Variants in AMZ2 observed in about 807,000 individuals in gnomAD.
AMZ2 encodes the protein archaemetzincin-2.
Under a neutral mutation model 36.7 loss-of-function variants are expected in AMZ2, and 26 were observed. The ratio of observed to expected loss-of-function variants is 0.71; its 90% confidence interval spans 0.52 to 0.98. The LOEUF is 0.98. Ranked by LOEUF, AMZ2 falls within the 50% of genes least tolerant of loss-of-function variation. The pLI is 0.00. For missense variants in AMZ2, 394 were observed against 430.5 expected, an observed-to-expected ratio of 0.92 and a Z score of 0.75; for synonymous variants, 144 against 149.1, an observed-to-expected ratio of 0.97 and a Z score of 0.25.
At chr17:68,252,635 C>G (rs1226199236) in intron 4 of AMZ2, among the ~76,000 whole-genome samples, 1 of 152,152 alleles carries the variant, frequency 6.6e-6, no homozygotes, top group African/African-American at 2.4e-5. Flanking sequence ...TCCCGAGTAG[C>G]TGGGACCACA....
At position 68,231,414 on chromosome 17, in the gene AMZ2, C is replaced by CTGTGCCTTGCATGGGGACA. The variant is rs1555731205; in HGVS notation, c.-66-17225_-66-17224insGTGCCTTGCATGGGGACAT. 3.3e-3 allele frequency among the ~76,000 whole-genome samples: 366 copies of CTGTGCCTTGCATGGGGACA among 111,822 alleles called. 6 individuals are homozygous for CTGTGCCTTGCATGGGGACA. Among genetic ancestry groups the CTGTGCCTTGCATGGGGACA allele is most frequent in the East Asian group, 5.4e-3 (20 of 3,684 alleles). The allele number at this position is 111,822 out of a possible 152,430, so 73.4% of individuals were successfully genotyped here. ...ATCACTCTCTGTGAGTCATCCAGCA[C>CTGTGCCTTGCATGGGGACA]TAGTTAAGTTGGAATGAACAAAACT... On this transcript the variant is annotated intron_variant, in intron 1 of 7. Transcript: ENST00000674770.
intron 1 of AMZ2, chr17:68,206,303 C>T: frequency 7.4e-6 from 9 of 1,217,588 alleles, no homozygotes; most frequent in Non-Finnish European, 9.3e-6. Flanking sequence ...CCCTTGCTCA[C>T]TCGTGTGCTG....
At chr17:68,244,676 G>T (rs1375572364), upstream of AMZ2, among the ~76,000 whole-genome samples, 1 of 152,198 alleles carries the variant, frequency 6.6e-6, no homozygotes, top group African/African-American at 2.4e-5. Context: ...GAATGATAAA[G>T]AAATGAGGTA....
In AMZ2 at chr17:68,212,549, T is replaced by C. The variant is rs149942406; in HGVS notation, c.-67+6311T>C. On this transcript the variant is annotated intron_variant, in intron 1 of 7. Transcript: ENST00000674770. ...AGACCTTGTCACAAAAATAAATAAT[T>C]TAATTAAATAATTTTTTTTCTTTTC... Among the ~76,000 whole-genome samples, 17 of 152,200 alleles carry C rather than the reference T, an allele frequency of 1.1e-4. No homozygotes were observed. The East Asian group carries it at 2.9e-3, about 26-fold the overall frequency.
At chr17:68,227,412 G>T (rs1345049181) in intron 1 of AMZ2, among the ~76,000 whole-genome samples, 1 of 152,228 alleles carries the variant, frequency 6.6e-6, no homozygotes, top group African/African-American at 2.4e-5. Flanking sequence ...TGCACTTCCA[G>T]TGACTGCTGG....
rs71142147 is a variant in AMZ2, at chr17:68,219,698, A to ATTTT, written c.-67+13473_-67+13476dup. ...AGTTACGCACCACCACATCTGGCAA[A>ATTTT]TTTTTTTTTTTTTTTTGTAGAGATG... On this transcript the variant is annotated intron_variant, in intron 1 of 7. Transcript: ENST00000674770. 5.9e-3 allele frequency among the ~76,000 whole-genome samples: 838 copies of ATTTT among 141,854 alleles called. 20 individuals carry two copies. Among genetic ancestry groups the ATTTT allele is most frequent in the African/African-American group, 0.02 (749 of 38,278 alleles). The allele number at this position is 141,854 out of a possible 152,430, so 93.1% of individuals were successfully genotyped here. A position where few individuals can be genotyped will look rare whatever the true frequency, so the allele number is the denominator to read the frequency against.
chr17:68,247,857 A>G (rs2074100959), upstream of AMZ2: 1 of 985,462 alleles, frequency 1.0e-6, no homozygotes, highest in Non-Finnish European at 1.2e-6. Context: ...TCCCCTCGCT[A>G]CCCTCTATTC....
At chr17:68,220,322 C>T (rs1174088077) in intron 1 of AMZ2, among the ~76,000 whole-genome samples, 1 of 101,452 alleles carries the variant, frequency 9.9e-6, no homozygotes. Context: ...AAAGACTATG[C>T]CTCCCCTTGC....
At chr17:68,252,300 C>A (rs1329276996) in intron 4 of AMZ2, among the ~76,000 whole-genome samples, 1 of 152,206 alleles carries the variant, frequency 6.6e-6, no homozygotes, top group Non-Finnish European at 1.5e-5. Context: ...GTTATAGAGC[C>A]TCTTCCCACT....
intron 1 of AMZ2, among the ~76,000 whole-genome samples, chr17:68,236,132 C>A (rs551430671): frequency 3.3e-5 from 5 of 151,980 alleles, no homozygotes; most frequent in Non-Finnish European, 7.4e-5. Flanking sequence ...ATCTGGTTTC[C>A]AAAATATTAC....
chr17:68,211,069 C>T (rs567964387), intron 1 of AMZ2, among the ~76,000 whole-genome samples: 2 of 151,884 alleles, frequency 1.3e-5, no homozygotes, highest in African/African-American at 2.4e-5. Flanking sequence ...AGTGAAATCA[C>T]GTATTGTATG....
intron 1 of AMZ2, among the ~76,000 whole-genome samples, chr17:68,209,630 A>AT (rs1339157573): frequency 1.1e-3 from 110 of 98,450 alleles, no homozygotes; most frequent in Admixed American, 1.5e-3. Context: ...ATATATATAT[A>AT]TATTTTTTTT....
At chr17:68,247,868 T>C (rs1195418456), upstream of AMZ2, 17 of 985,360 alleles carry the variant, frequency 1.7e-5, no homozygotes, top group Non-Finnish European at 2.0e-5. Flanking sequence ...CCCTCTATTC[T>C]GGAAGAGGCG....
At chr17:68,247,689 G>A, upstream of AMZ2, 5 of 985,524 alleles carry the variant, frequency 5.1e-6, no homozygotes, top group Non-Finnish European at 6.0e-6. Flanking sequence ...CGTCACGCCG[G>A]CGATGCCTCT....
Position 68,251,157 on chromosome 17 carries a change from G to A in AMZ2, c.565G>A (p.Gly189Arg), listed in dbSNP as rs2074435262. 6.2e-7 allele frequency: 1 copy of A among 1,613,476 alleles called. No homozygotes were observed. ...AAGAGACTCGTGGAATTTTGTCTTTGGACAGGCCTCTTTGACAGATGGTAT... is the reference window on the plus strand; with the variant it reads ...AAGAGACTCGTGGAATTTTGTCTTTAGACAGGCCTCTTTGACAGATGGTAT... ...YPRDSWNFVFGQASLTDGVGI... is the reference protein window; with the variant it reads ...YPRDSWNFVFRQASLTDGVGI... The change falls in exon 4 of 7, where the codon GGA (glycine) becomes AGA (arginine). Residue 189 changes from glycine (G) to arginine (R), a missense_variant. Physicochemically the swap from Gly to Arg is moderately radical, Grantham distance 125. Coordinates refer to ENST00000359904, the MANE Select transcript of AMZ2 (RefSeq NM_016627.5).
intron 1 of AMZ2, among the ~76,000 whole-genome samples, chr17:68,233,424 A>G (rs7216844): frequency 0.061 from 9,074 of 149,630 alleles, 478 homozygotes; most frequent in Admixed American, 0.14. Flanking sequence ...CAGGAGAATC[A>G]CTCGAACCTG....
At chr17:68,227,594 C>T (rs1291374546) in intron 1 of AMZ2, among the ~76,000 whole-genome samples, 1 of 152,168 alleles carries the variant, frequency 6.6e-6, no homozygotes, top group South Asian at 2.1e-4. Flanking sequence ...TTCCTTGGCT[C>T]GTGGCTGCAT....
chr17:68,251,102 T>C lies in AMZ2; in HGVS notation c.510T>C (p.Val170=). 6.2e-7 allele frequency: 1 copy of C among 1,613,812 alleles called. No individual in the cohort carries two copies. The highest frequency in any genetic ancestry group is 1.7e-5 in the Admixed American group (1 of 59,964). The change falls in exon 4 of 7, where the codon GTT becomes GTC. Residue 170 remains valine, a synonymous_variant. Transcript: ENST00000359904. ...AGAAACCTGAAGATGCCTTCTGTGTTGTGGGAATAACAATGATTGATCTTT... is the reference window on the plus strand; with the variant it reads ...AGAAACCTGAAGATGCCTTCTGTGTCGTGGGAATAACAATGATTGATCTTT... ...KKKKPEDAFC[V]VGITMIDLYP... is the part of the protein sequence containing the mutation.
At chr17:68,243,644 T>C (rs1555734556), upstream of AMZ2, among the ~76,000 whole-genome samples, 1 of 152,190 alleles carries the variant, frequency 6.6e-6, no homozygotes, top group African/African-American at 2.4e-5. Flanking sequence ...TATGAACATT[T>C]TAAAAGCTAT....
Sources: allele counts gnomAD v4.1 joint callset (sites outside exome capture counted in the v4.1 genomes callset), GRCh38; gene constraint gnomAD v4.1.1; transcripts MANE v1.5; gene names NCBI Gene and HGNC (gene_info 2026-07-23, HGNC 2026-07-21).